HPCAL1: variants seen among roughly 807,000 people sequenced by gnomAD.
HPCAL1 encodes the protein hippocalcin like 1.
Under a neutral mutation model 17.1 loss-of-function variants are expected in HPCAL1, and 8 were observed. The observed-to-expected ratio is 0.47, with a 90% confidence interval of 0.27 to 0.84. The LOEUF (loss-of-function observed/expected upper bound fraction) is 0.84, where lower values mean the gene tolerates loss of function less well. Among genes scored for constraint, HPCAL1 ranks in the 40% least tolerant of loss-of-function variants. The probability of loss-of-function intolerance (pLI) is 0.13; values close to 1 mark genes in which losing one functional copy is unlikely to be tolerated. For missense variants in HPCAL1, 165 were observed against 271.1 expected (o/e 0.61, Z 2.75); for synonymous variants, 112 against 111.4 (o/e 1.01, Z -0.03).
chr2:10,410,352 A>G (rs1303779172), intron 2 of HPCAL1, among the ~76,000 whole-genome samples: 1 of 150,550 alleles, frequency 6.6e-6, no homozygotes. Context: ...TACAGGCAAT[A>G]CCGACTCTGG....
Position 10,395,481 on chromosome 2 carries a change from T to G in HPCAL1, c.-110-1354T>G, listed in dbSNP as rs6741475. Among the ~76,000 whole-genome samples the G allele has an allele frequency of 3.4e-5, 5 of 148,252 alleles. No individual in the cohort carries two copies. Among genetic ancestry groups the G allele is most frequent in the East Asian group, 2.1e-4 (1 of 4,758 alleles). Reference sequence around the variant, plus strand: ...TCAGGGGGGTGGGTTGGTGGGTGGGTGGAAGGAGGGGAGAGGTGCAGCACC... The same window carrying G: ...TCAGGGGGGTGGGTTGGTGGGTGGGGGGAAGGAGGGGAGAGGTGCAGCACC... On this transcript the variant is annotated intron_variant, in intron 1 of 4. Transcript: ENST00000307845. This position sits in a 1 kb window ranked among gnomAD's most constrained non-coding sequence, Gnocchi z 4.4.
At position 10,343,277 on chromosome 2, in the gene HPCAL1, A is replaced by G. The variant is rs1348197754; in HGVS notation, c.-111+40100A>G. On this transcript the variant is annotated intron_variant, in intron 1 of 4. Transcript: ENST00000307845. The surrounding 1 kb of genome is among the most constrained non-coding windows in gnomAD (Gnocchi z 4.8). Reference sequence around the variant, plus strand: ...CCATAAAACACACCACATTCAAATTACTTATCTCCTCTTCCCCTGCCACTC... The same window carrying G: ...CCATAAAACACACCACATTCAAATTGCTTATCTCCTCTTCCCCTGCCACTC... Among the ~76,000 whole-genome samples the G allele has an allele frequency of 1.3e-5, 2 of 152,068 alleles. No homozygotes were observed. The highest frequency in any genetic ancestry group is 1.9e-4 in the East Asian group (1 of 5,176).
chr2:10,342,524 C>A lies in HPCAL1; in HGVS notation c.-111+39347C>A, dbSNP rs75643771. Among the ~76,000 whole-genome samples the A allele has an allele frequency of 0.06, 9,120 of 151,984 alleles. 770 individuals carry two copies. Among genetic ancestry groups the A allele is most frequent in the African/African-American group, 0.19 (7,760 of 41,300 alleles). On this transcript the variant is annotated intron_variant, in intron 1 of 4. Transcript: ENST00000307845. This position sits in a 1 kb window ranked among gnomAD's most constrained non-coding sequence, Gnocchi z 4.1. ...CAGCCTGGGGGAGGGTGGGAGGGGA[C>A]TCCCAGGGAGCGGGGCTTGTGCTGG...
At chr2:10,307,144 G>C (rs1662679819) in intron 1 of HPCAL1, among the ~76,000 whole-genome samples, 1 of 152,160 alleles carries the variant, frequency 6.6e-6, no homozygotes, top group African/African-American at 2.4e-5. Flanking sequence ...TCTCCAGCAA[G>C]GGATGGGTCT....
chr2:10,321,066 C>T (rs895379675), intron 1 of HPCAL1, among the ~76,000 whole-genome samples: 3 of 152,130 alleles, frequency 2.0e-5, no homozygotes, highest in African/African-American at 4.8e-5. Context: ...AATTGTCTCA[C>T]GGTTCTTCAG....
At chr2:10,376,445 CTT>C (rs70948886) in intron 1 of HPCAL1, among the ~76,000 whole-genome samples, 112 of 147,662 alleles carry the variant, frequency 7.6e-4, no homozygotes, top group South Asian at 1.7e-3. Context: ...AAAAATCCCT[CTT>C]TTTTTTTTTT....
chr2:10,420,194 G>A, intron 3 of HPCAL1, 59 bp downstream of exon 3: 2 of 785,102 alleles, frequency 2.5e-6, no homozygotes, highest in Admixed American at 2.8e-5. Context: ...CCAGCTCCCA[G>A]CCCCCAGCCC....
rs922180905 is a variant in HPCAL1 at position 10,363,743 on chromosome 2, G to C, written c.-110-33092G>C. On this transcript the variant is annotated intron_variant, in intron 1 of 4. Transcript: ENST00000307845. The surrounding 1 kb of genome is among the most constrained non-coding windows in gnomAD (Gnocchi z 4.7). Reference sequence around the variant, plus strand: ...CCAGCCACAGTTTGGGCACGGCAAGGCTGGGGAGCCAGGCTTGTTTCGGAT... The same window carrying C: ...CCAGCCACAGTTTGGGCACGGCAAGCCTGGGGAGCCAGGCTTGTTTCGGAT... Among the ~76,000 whole-genome samples the C allele has an allele frequency of 1.3e-5, 2 of 152,208 alleles. No homozygotes were observed. Among genetic ancestry groups the C allele is most frequent in the Non-Finnish European group, 2.9e-5 (2 of 68,038 alleles).
In HPCAL1 at chr2:10,359,668, G is replaced by T. The variant is rs566789486; in HGVS notation, c.-110-37167G>T. ...CTTCCAGGCCCACTCAGTGGCTGGC[G>T]GTCCCACCTCCAAATGCAGGCAGAC... On this transcript the variant is annotated intron_variant, in intron 1 of 4. Transcript: ENST00000307845. This position sits in a 1 kb window ranked among gnomAD's most constrained non-coding sequence, Gnocchi z 4.1. 6.6e-6 allele frequency among the ~76,000 whole-genome samples: 1 copy of T among 152,318 alleles called. No individual in the cohort carries two copies. Among genetic ancestry groups the T allele is most frequent in the African/African-American group, 2.4e-5 (1 of 41,564 alleles).
At chr2:10,308,287 C>T (rs747176292) in intron 1 of HPCAL1, among the ~76,000 whole-genome samples, 1 of 152,146 alleles carries the variant, frequency 6.6e-6, no homozygotes, top group Non-Finnish European at 1.5e-5. Context: ...ATTTATCTCT[C>T]ATAAAGCATG....
At chr2:10,385,404 A>T (rs1668242157) in intron 1 of HPCAL1, among the ~76,000 whole-genome samples, 1 of 152,002 alleles carries the variant, frequency 6.6e-6, no homozygotes, top group South Asian at 2.1e-4. Flanking sequence ...AGGGCCCAGG[A>T]ATCTGCATTC....
chr2:10,357,215 T>G (rs887984), intron 1 of HPCAL1, among the ~76,000 whole-genome samples: 112,840 of 152,132 alleles, frequency 0.74, 42,089 homozygotes, highest in East Asian at 0.99. Context: ...TTTTAGTAAA[T>G]GTGAGGGTGG....
chr2:10,402,916 C>T (rs984413727), intron 2 of HPCAL1, among the ~76,000 whole-genome samples: 3 of 152,160 alleles, frequency 2.0e-5, no homozygotes, highest in African/African-American at 7.2e-5. Context: ...ACAAACACCT[C>T]TTCAGTCTAA....
Position 10,367,758 on chromosome 2 carries a change from G to A in HPCAL1, c.-110-29077G>A, listed in dbSNP as rs1352103054. Among the ~76,000 whole-genome samples the A allele has an allele frequency of 6.6e-6, 1 of 152,150 alleles. No individual in the cohort carries two copies. The highest frequency in any genetic ancestry group is 1.5e-5 in the Non-Finnish European group (1 of 68,030). On this transcript the variant is annotated intron_variant, in intron 1 of 4. Transcript: ENST00000307845. This position sits in a 1 kb window ranked among gnomAD's most constrained non-coding sequence, Gnocchi z 4.4. ...TGTGAGCCCTGTGCTGGAGTGGAGG[G>A]TGACAGAGCTTCGGACATGAGCAGC...
In HPCAL1 at chr2:10,304,145, C is replaced by T. The variant is rs1662459926; in HGVS notation, c.-111+968C>T. Reference sequence around the variant, plus strand: ...CAGCACCTCCCGGGCGGCGCCGCCTCCGCGAGTGCCCGAGAGCGCCGCGCT... The same window carrying T: ...CAGCACCTCCCGGGCGGCGCCGCCTTCGCGAGTGCCCGAGAGCGCCGCGCT... On this transcript the variant is annotated intron_variant, in intron 1 of 4. Transcript: ENST00000307845. This position sits in a 1 kb window ranked among gnomAD's most constrained non-coding sequence, Gnocchi z 4.1. Among the ~76,000 whole-genome samples the T allele has an allele frequency of 6.6e-6, 1 of 152,216 alleles. No individual in the cohort carries two copies. The highest frequency in any genetic ancestry group is 2.4e-5 in the African/African-American group (1 of 41,464).
intron 3 of HPCAL1, among the ~76,000 whole-genome samples, chr2:10,421,912 T>C (rs964606374): frequency 6.6e-6 from 1 of 152,198 alleles, no homozygotes; most frequent in African/African-American, 2.4e-5. Flanking sequence ...CGGGGAACTC[T>C]GGTACTGTCG....
chr2:10,313,139 C>A (rs1350725713), intron 1 of HPCAL1, among the ~76,000 whole-genome samples: 1 of 152,168 alleles, frequency 6.6e-6, no homozygotes, highest in Non-Finnish European at 1.5e-5. Flanking sequence ...TCATGAGAAC[C>A]ACTGATCTAG....
intron 2 of HPCAL1, among the ~76,000 whole-genome samples, chr2:10,405,603 G>A (rs752362990): frequency 3.3e-5 from 5 of 152,356 alleles, no homozygotes; most frequent in Middle Eastern, 3.4e-3. Context: ...CATCTGACGC[G>A]TAGATCTTCC....
Position 10,423,054 on chromosome 2 carries a change from C to G in HPCAL1, c.450C>G (p.Asp150Glu). 6.2e-7 allele frequency: 1 copy of G among 1,613,204 alleles called. No individual in the cohort carries two copies. Among genetic ancestry groups the G allele is most frequent in the Non-Finnish European group, 8.5e-7 (1 of 1,179,580 alleles). Reference protein sequence around the residue: ...EDESTPEKRTDKIFRQMDTNN... With the variant: ...EDESTPEKRTEKIFRQMDTNN... Reference sequence around the variant, plus strand: ...AGTCCACCCCGGAGAAGCGCACAGACAAGATCTTCAGGCAGATGGACACCA... The same window carrying G: ...AGTCCACCCCGGAGAAGCGCACAGAGAAGATCTTCAGGCAGATGGACACCA... The change falls in exon 4 of 5, where the codon GAC becomes GAG. Residue 150 changes from aspartate (D) to glutamate (E), a missense_variant. Asp to Glu is a conservative substitution (Grantham distance 45). Coordinates refer to ENST00000307845, the MANE Select transcript of HPCAL1 (RefSeq NM_002149.4).
Sources: gnomAD v4.1 joint callset for allele counts (sites outside exome capture counted in the v4.1 genomes callset) on GRCh38, gnomAD v4.1.1 for gene constraint, Gnocchi (gnomAD v3.1) non-coding constraint, MANE v1.5 for transcripts, NCBI Gene and HGNC (gene_info 2026-07-23, HGNC 2026-07-21) for gene names.